CNTN4: variants seen among roughly 807,000 people sequenced by gnomAD.
The protein encoded by CNTN4 is contactin-4.
In CNTN4, 77 loss-of-function variants were observed where a neutral mutation model predicts 122.5. The ratio of observed to expected loss-of-function variants is 0.63; its 90% CI spans 0.52 to 0.76. The LOEUF (loss-of-function observed/expected upper bound fraction) is 0.76, where lower values mean the gene tolerates loss of function less well. Among genes scored for constraint, CNTN4 ranks in the 30% least tolerant of loss-of-function variants. The pLI is 0.00. For missense variants in CNTN4, 1,256 were observed against 1,259.1 expected (o/e 1.00, Z 0.04); for synonymous variants, 512 against 447.0 (o/e 1.15, Z -1.83).
chr3:2,604,180 C>T (rs2081164164), intron 4 of CNTN4, among the ~76,000 whole-genome samples: 1 of 152,142 alleles, frequency 6.6e-6, no homozygotes, highest in Non-Finnish European at 1.5e-5. Context: ...TCACTAATGA[C>T]AACCACACCA....
intron 2 of CNTN4, among the ~76,000 whole-genome samples, chr3:2,180,590 C>G (rs1484933982): frequency 6.6e-6 from 1 of 152,034 alleles, no homozygotes; most frequent in African/African-American, 2.4e-5. Flanking sequence ...TAGGGTTTCT[C>G]CTGACCTTCC....
intron 2 of CNTN4, among the ~76,000 whole-genome samples, chr3:2,151,416 C>T (rs992222802): frequency 1.4e-4 from 21 of 152,152 alleles, no homozygotes; most frequent in Non-Finnish European, 1.5e-4. Context: ...ACAGCATGGG[C>T]CAGGGCTCTG....
At position 2,560,361 on chromosome 3, in the gene CNTN4, C is replaced by T. The variant is rs376419491; in HGVS notation, c.-88-11055C>T. 6.3e-4 allele frequency among the ~76,000 whole-genome samples: 96 copies of T among 152,056 alleles called. No homozygotes were observed. In the South Asian group the frequency reaches 0.015, roughly 23 times the overall value. ...TTCACCATGTTGCTCAGGCTGGTCT[C>T]GAATTTCTGGGCTCAAGTAATCTGC... On this transcript the variant is annotated intron_variant, in intron 3 of 24. Coordinates refer to ENST00000418658, the MANE Select transcript of CNTN4 (RefSeq NM_175607.3).
intron 7 of CNTN4, among the ~76,000 whole-genome samples, chr3:2,851,399 G>C (rs913058746): frequency 1.3e-5 from 2 of 152,156 alleles, no homozygotes; most frequent in Admixed American, 6.5e-5. Context: ...TTGGCCACAC[G>C]TGTCTCCAGT....
chr3:2,439,137 G>A (rs1334739813), intron 3 of CNTN4, among the ~76,000 whole-genome samples: 1 of 152,108 alleles, frequency 6.6e-6, no homozygotes. Context: ...TCCTGTTTCT[G>A]GGAAATTAAA....
At chr3:2,829,189 C>T (rs954506252) in intron 7 of CNTN4, among the ~76,000 whole-genome samples, 5 of 152,124 alleles carry the variant, frequency 3.3e-5, no homozygotes, top group Admixed American at 6.5e-5. Flanking sequence ...GGGGTTACAG[C>T]GCATTAGTTG....
chr3:2,151,829 C>T (rs965050295), intron 2 of CNTN4, among the ~76,000 whole-genome samples: 1 of 152,206 alleles, frequency 6.6e-6, no homozygotes, highest in South Asian at 2.1e-4. Flanking sequence ...GAGTCCCCAC[C>T]AGCAAGAAGG....
chr3:2,972,302 A>G (rs1242291067), intron 13 of CNTN4, among the ~76,000 whole-genome samples: 5 of 152,172 alleles, frequency 3.3e-5, no homozygotes, highest in African/African-American at 1.2e-4. Flanking sequence ...CAGCTAACTC[A>G]TACACACACA....
At chr3:2,881,931 A>G (rs550804355) in intron 8 of CNTN4, among the ~76,000 whole-genome samples, 3 of 152,392 alleles carry the variant, frequency 2.0e-5, no homozygotes, top group Admixed American at 6.5e-5. Flanking sequence ...ATCTTTTTAT[A>G]GTAAGCCAGG....
At chr3:2,164,639 T>A (rs574274145) in intron 2 of CNTN4, among the ~76,000 whole-genome samples, 1 of 152,234 alleles carries the variant, frequency 6.6e-6, no homozygotes, top group South Asian at 2.1e-4. Flanking sequence ...GAAAAACAAT[T>A]AGTTACCTTC....
chr3:2,329,582 A>G (rs1308638655), intron 2 of CNTN4, among the ~76,000 whole-genome samples: 2 of 152,240 alleles, frequency 1.3e-5, no homozygotes, highest in Non-Finnish European at 2.9e-5. Context: ...ATCACCAGGA[A>G]TGAGGCCCAC....
chr3:2,705,210 T>C (rs1302330501), intron 4 of CNTN4, among the ~76,000 whole-genome samples: 2 of 149,938 alleles, frequency 1.3e-5, no homozygotes, highest in Non-Finnish European at 3.0e-5. Flanking sequence ...CTACTAAAAC[T>C]ACAAAAAATT....
At chr3:2,991,448 C>G (rs1695041945) in intron 14 of CNTN4, among the ~76,000 whole-genome samples, 1 of 152,178 alleles carries the variant, frequency 6.6e-6, no homozygotes, top group East Asian at 1.9e-4. Context: ...TATTCTTCTT[C>G]TAGGTGAGGT....
intron 2 of CNTN4, among the ~76,000 whole-genome samples, chr3:2,201,979 A>C (rs1421983650): frequency 1.3e-5 from 2 of 152,170 alleles, no homozygotes; most frequent in African/African-American, 4.8e-5. Context: ...AAAATATATT[A>C]AAAAGGCTTA....
At chr3:2,922,647 C>T (rs888537637) in intron 12 of CNTN4, among the ~76,000 whole-genome samples, 19 of 125,298 alleles carry the variant, frequency 1.5e-4, no homozygotes, top group African/African-American at 2.4e-4. Flanking sequence ...GAGTCTAGCT[C>T]TGTCCCCCAG....
intron 13 of CNTN4, among the ~76,000 whole-genome samples, chr3:2,971,909 A>G (rs2125106554): frequency 6.6e-6 from 1 of 152,338 alleles, no homozygotes; most frequent in East Asian, 1.9e-4. Context: ...TCGGAAGTGC[A>G]CTTTACATTA....
chr3:2,138,885 A>C (rs371010293), intron 2 of CNTN4, among the ~76,000 whole-genome samples: 1 of 152,070 alleles, frequency 6.6e-6, no homozygotes, highest in African/African-American at 2.4e-5. Context: ...CTATCCATCT[A>C]GTTATCTGGA....
chr3:2,385,470 C>A lies in CNTN4; in HGVS notation c.-89+46237C>A, dbSNP rs1021574729. Among the ~76,000 whole-genome samples the A allele has an allele frequency of 6.6e-6, 1 of 152,020 alleles. No individual in the cohort carries two copies. The highest frequency in any genetic ancestry group is 1.9e-4 in the East Asian group (1 of 5,164). On this transcript the variant is annotated intron_variant, in intron 3 of 24. Transcript: ENST00000418658. The surrounding 1 kb of genome is among the most constrained non-coding windows in gnomAD (Gnocchi z 4.0). ...GCTTGTATTAGTTTCTTAGGACTGC[C>A]ACAGCAAAGTACCATACACAGGGTG...
At chr3:2,729,282 T>C (rs1296461529) in intron 4 of CNTN4, among the ~76,000 whole-genome samples, 6 of 152,030 alleles carry the variant, frequency 3.9e-5, no homozygotes, top group Non-Finnish European at 7.4e-5. Context: ...GAAATGAAAG[T>C]GGCCGGGCGC....
Sources: gnomAD v4.1 joint callset for allele counts (sites outside exome capture counted in the v4.1 genomes callset) on GRCh38, gnomAD v4.1.1 for gene constraint, Gnocchi (gnomAD v3.1) non-coding constraint, MANE v1.5 for transcripts, NCBI Gene and HGNC (gene_info 2026-07-23, HGNC 2026-07-21) for gene names.